RERE: variants seen among roughly 807,000 people sequenced by gnomAD.
RERE encodes the protein arginine-glutamic acid dipeptide repeats.
A neutral mutation model predicts 146.1 loss-of-function variants in RERE; 40 were observed. The ratio of observed to expected loss-of-function variants is 0.27; its 90% CI spans 0.21 to 0.36. The LOEUF (loss-of-function observed/expected upper bound fraction) is 0.36. Ranked by LOEUF, RERE falls within the 10% of genes least tolerant of loss-of-function variation. RERE has a pLI of 1.00. For missense variants in RERE, 1,933 were observed against 2,138.7 expected (o/e 0.90, Z 1.90); for synonymous variants, 1,003 against 866.0 (o/e 1.16, Z -2.78).
intron 7 of RERE, among the ~76,000 whole-genome samples, chr1:8,535,805 C>T (rs1236722539): frequency 2.0e-5 from 3 of 152,058 alleles, no homozygotes; most frequent in South Asian, 2.1e-4. Flanking sequence ...GGGAGAAAAG[C>T]GGACAGCCTG....
chr1:8,430,699 A>G (rs1339387829), intron 11 of RERE, among the ~76,000 whole-genome samples: 2 of 152,216 alleles, frequency 1.3e-5, no homozygotes, highest in African/African-American at 2.4e-5. Context: ...TGAGCTCCCC[A>G]AGGCCTTCAG....
chr1:8,688,498 T>C (rs1195103111), intron 1 of RERE, among the ~76,000 whole-genome samples: 1 of 151,766 alleles, frequency 6.6e-6, no homozygotes, highest in Non-Finnish European at 1.5e-5. Flanking sequence ...GAGGTGGAGG[T>C]TGCAGTGAGC....
At chr1:8,543,148 A>G (rs1056006615) in intron 6 of RERE, among the ~76,000 whole-genome samples, 1 of 152,202 alleles carries the variant, frequency 6.6e-6, no homozygotes, top group African/African-American at 2.4e-5. Context: ...GTAGATAGTA[A>G]GATCCAATTC....
At chr1:8,426,348 G>A (rs913633098) in intron 11 of RERE, among the ~76,000 whole-genome samples, 11 of 151,908 alleles carry the variant, frequency 7.2e-5, no homozygotes, top group African/African-American at 2.4e-4. Context: ...CAGCTACTGG[G>A]GAGGCTGAGG....
chr1:8,368,409 G>A (rs1641903544), intron 12 of RERE, among the ~76,000 whole-genome samples: 2 of 151,714 alleles, frequency 1.3e-5, no homozygotes, highest in South Asian at 4.2e-4. Context: ...GGGAAGCGGA[G>A]CTTGCAGTGA....
At chr1:8,425,038 G>A (rs1643990623) in intron 11 of RERE, 1 of 152,370 alleles carries the variant, frequency 6.6e-6, no homozygotes, top group Admixed American at 6.5e-5. Flanking sequence ...AAAGGCTGAA[G>A]CTGGAGCTTT....
At chr1:8,598,946 TCTC>T (rs1646587564) in intron 4 of RERE, among the ~76,000 whole-genome samples, 1 of 152,118 alleles carries the variant, frequency 6.6e-6, no homozygotes, top group African/African-American at 2.4e-5. Flanking sequence ...GAGTCTTAAC[TCTC>T]CTTAGACAGA....
At chr1:8,465,793 C>T in intron 11 of RERE, 132 bp downstream of exon 11, 1 of 743,274 alleles carries the variant, frequency 1.3e-6, no homozygotes, top group South Asian at 1.5e-5. Flanking sequence ...CATCCTCCTG[C>T]CTGGCGCTGC....
intron 1 of RERE, among the ~76,000 whole-genome samples, chr1:8,784,473 T>G (rs558702296): frequency 2.6e-4 from 40 of 152,300 alleles, no homozygotes; most frequent in African/African-American, 9.6e-4. Flanking sequence ...GTTTTTTTTC[T>G]CTTTTGTTCA....
rs964706503 is a variant in RERE at position 8,354,278 on chromosome 1, A to G, written c.*809T>C. The stretch of plus-strand genomic sequence containing the variant: ...CACAGGCTAGGAGCAGACACAAGTG[A>G]AACGCCAGGCAGAAAACAGAGTCTG... On this transcript the variant is annotated 3_prime_UTR_variant, in exon 23 of 23. Coordinates refer to ENST00000400908, the MANE Select transcript of RERE (RefSeq NM_001042681.2). The G allele has an allele frequency of 6.6e-6, 1 of 152,630 alleles. No individual in the cohort carries two copies. The highest frequency in any genetic ancestry group is 2.4e-5 in the African/African-American group (1 of 41,452). 9.5% of individuals were successfully genotyped at this position (152,630 alleles called of 1,614,324 possible). A position where few individuals can be genotyped will look rare whatever the true frequency, so the allele number is the denominator to read the frequency against.
intron 7 of RERE, among the ~76,000 whole-genome samples, chr1:8,524,802 C>T (rs1265901179): frequency 6.6e-6 from 1 of 152,128 alleles, no homozygotes; most frequent in Non-Finnish European, 1.5e-5. Flanking sequence ...ACAGGACACC[C>T]CAAAAGCACA....
At chr1:8,394,909 T>G (rs1201779944) in intron 12 of RERE, among the ~76,000 whole-genome samples, 1 of 152,212 alleles carries the variant, frequency 6.6e-6, no homozygotes, top group Non-Finnish European at 1.5e-5. Flanking sequence ...TATTACTCAT[T>G]TTTATATCCT....
rs190088387 is a variant in RERE, at chr1:8,355,990, C to T, written c.4486+110G>A. 26 of 1,247,030 alleles carry T rather than the reference C, an allele frequency of 2.1e-5. No homozygotes were observed. The Admixed American group carries it at 7.1e-4, about 34-fold the overall frequency. The allele number at this position is 1,247,030 out of a possible 1,614,324, so 77.2% of individuals were successfully genotyped here. A position where few individuals can be genotyped will look rare whatever the true frequency, so the allele number is the denominator to read the frequency against. On this transcript the variant is annotated intron_variant, in intron 21 of 22. Coordinates refer to ENST00000400908, the MANE Select transcript of RERE (RefSeq NM_001042681.2). ...CCCCTGCATGCAGGGGGAGCGAACCCACCTGCTCAATGCATGAATGAATGA... is the reference window on the plus strand; with the variant it reads ...CCCCTGCATGCAGGGGGAGCGAACCTACCTGCTCAATGCATGAATGAATGA...
At chr1:8,577,789 C>T (rs752848967) in intron 4 of RERE, among the ~76,000 whole-genome samples, 2 of 152,148 alleles carry the variant, frequency 1.3e-5, no homozygotes, top group Admixed American at 6.5e-5. Flanking sequence ...TGAGGCTGGA[C>T]ATGCACTTTA....
At chr1:8,503,084 T>TAAAAAA (rs1491515457) in intron 8 of RERE, among the ~76,000 whole-genome samples, 45 of 128,658 alleles carry the variant, frequency 3.5e-4, no homozygotes, top group African/African-American at 1.4e-3. Context: ...GAATGATCAA[T>TAAAAAA]TAAAAATAAA....
Position 8,352,481 on chromosome 1 carries a change from G to A in RERE, c.*2606C>T, listed in dbSNP as rs1641134821. The A allele has an allele frequency of 6.6e-6, 1 of 152,460 alleles. No individual in the cohort carries two copies. Among genetic ancestry groups the A allele is most frequent in the Non-Finnish European group, 1.5e-5 (1 of 68,040 alleles). The allele number at this position is 152,460 out of a possible 1,614,324, so 9.4% of individuals were successfully genotyped here. On this transcript the variant is annotated 3_prime_UTR_variant, in exon 23 of 23. Transcript: ENST00000400908. ...AAAATACTCAAATGGAGAGAACACA[G>A]AAGTCACGATTTCTGGGTGTCTACT...
chr1:8,718,936 C>T (rs751790983), intron 1 of RERE, among the ~76,000 whole-genome samples: 4 of 152,196 alleles, frequency 2.6e-5, no homozygotes, highest in Admixed American at 1.3e-4. Context: ...ACCGTGTCAT[C>T]TTGGACTCTG....
chr1:8,490,204 T>C (rs1220054792), intron 10 of RERE, among the ~76,000 whole-genome samples: 1 of 147,576 alleles, frequency 6.8e-6, no homozygotes, highest in Non-Finnish European at 1.5e-5. Flanking sequence ...CTACGAAAAA[T>C]ACAAAAAAAT....
chr1:8,428,301 T>C (rs1644045401), intron 11 of RERE, among the ~76,000 whole-genome samples: 1 of 152,186 alleles, frequency 6.6e-6, no homozygotes, highest in Non-Finnish European at 1.5e-5. Context: ...CTTGTTTCTC[T>C]GGTGTGTTCA....
Sources: allele counts gnomAD v4.1 joint callset (sites outside exome capture counted in the v4.1 genomes callset), GRCh38; gene constraint gnomAD v4.1.1; transcripts MANE v1.5; gene names NCBI Gene and HGNC (gene_info 2026-07-23, HGNC 2026-07-21).